RNF38: variants seen among roughly 807,000 people sequenced by gnomAD.
RNF38 encodes the protein ring finger protein 38.
In RNF38, 15 loss-of-function variants were observed where a neutral mutation model predicts 67.2. The observed-to-expected ratio is 0.22, with a 90% CI of 0.15 to 0.34. RNF38 has a LOEUF of 0.34. Among genes scored for constraint, RNF38 ranks in the 10% least tolerant of loss-of-function variants. RNF38 has a pLI of 1.00. For missense variants in RNF38, 524 were observed against 639.9 expected (o/e 0.82, Z 1.95); for synonymous variants, 220 against 218.8 (o/e 1.01, Z -0.05).
At chr9:36,460,190 C>T (rs750023875) in intron 1 of RNF38, among the ~76,000 whole-genome samples, 143 of 152,158 alleles carry the variant, frequency 9.4e-4, no homozygotes, top group Non-Finnish European at 1.5e-3. Flanking sequence ...GCCTACAAGA[C>T]GTTGAGGATT....
intron 1 of RNF38, among the ~76,000 whole-genome samples, chr9:36,424,953 G>A (rs1270260549): frequency 1.3e-5 from 2 of 152,152 alleles, no homozygotes; most frequent in East Asian, 1.9e-4. Flanking sequence ...ACTAGACCGA[G>A]TAGTCTGCTT....
chr9:36,457,645 C>T (rs960343320), intron 1 of RNF38, among the ~76,000 whole-genome samples: 1 of 152,156 alleles, frequency 6.6e-6, no homozygotes, highest in Non-Finnish European at 1.5e-5. Flanking sequence ...TGGTGGCTCA[C>T]GTCTGTAATC....
chr9:36,435,826 T>C (rs1183385213), intron 1 of RNF38, among the ~76,000 whole-genome samples: 2 of 152,124 alleles, frequency 1.3e-5, no homozygotes, highest in Non-Finnish European at 2.9e-5. Flanking sequence ...AGACAGGGTT[T>C]CACGGTGTTA....
intron 2 of RNF38, among the ~76,000 whole-genome samples, chr9:36,408,552 A>T (rs1026546469): frequency 1.3e-5 from 2 of 152,120 alleles, no homozygotes; most frequent in African/African-American, 4.8e-5. Flanking sequence ...CTTCTGTTAA[A>T]TCCTTTATTA....
At chr9:36,400,682 C>G (rs966922189), upstream of RNF38, 1 of 985,946 alleles carries the variant, frequency 1.0e-6, no homozygotes, top group Non-Finnish European at 1.2e-6. Flanking sequence ...CCTCCTCACC[C>G]CCGGAACCCC....
chr9:36,371,259 C>T (rs375577533), intron 3 of RNF38, among the ~76,000 whole-genome samples: 4 of 152,168 alleles, frequency 2.6e-5, no homozygotes, highest in Admixed American at 6.6e-5. Flanking sequence ...CTTAAGAGAA[C>T]AAGGGACATT....
In RNF38 at chr9:36,452,148, C is replaced by G. The variant is rs1839467175; in HGVS notation, n.242-27465G>C. ...TGAAGTGGGAGAACCACTTGAGCAC[C>G]CAAGGAGTTGAAGAGTGCATTGAGC... On this transcript the variant is annotated intron_variant and non_coding_transcript_variant, in intron 1 of 3. Transcript: ENST00000488058. 1.3e-5 allele frequency among the ~76,000 whole-genome samples: 2 copies of G among 151,998 alleles called. 1 individual carries two copies. Among genetic ancestry groups the G allele is most frequent in the Non-Finnish European group, 2.9e-5 (2 of 68,004 alleles).
chr9:36,339,896 C>T (rs767031982), intron 11 of RNF38, 82 bp from the exon 12 acceptor site: 1 of 1,182,524 alleles, frequency 8.5e-7, no homozygotes. Flanking sequence ...ACTTTTACTT[C>T]CCACAGTTTT....
At chr9:36,402,035 A>T (rs1193250016), upstream of RNF38, among the ~76,000 whole-genome samples, 1 of 152,200 alleles carries the variant, frequency 6.6e-6, no homozygotes, top group Non-Finnish European at 1.5e-5. Flanking sequence ...TTATTTATGT[A>T]CACTTGTCTC....
upstream of RNF38, chr9:36,400,769 T>G (rs1837956697): frequency 1.0e-6 from 1 of 985,586 alleles, no homozygotes; most frequent in Non-Finnish European, 1.2e-6. Flanking sequence ...AAACGACGGC[T>G]GCACGCCCAG....
upstream of RNF38, chr9:36,401,325 G>T: frequency 1.8e-6 from 1 of 562,670 alleles, no homozygotes; most frequent in Non-Finnish European, 2.2e-6. Flanking sequence ...GCTGCCCTGC[G>T]GACCGCAGGG....
At chr9:36,378,150 CAGATTTG>C (rs1835916270) in intron 2 of RNF38, among the ~76,000 whole-genome samples, 1 of 147,362 alleles carries the variant, frequency 6.8e-6, no homozygotes, top group Non-Finnish European at 1.5e-5. Context: ...ACTGGTGAAA[CAGATTTG>C]ATTAACACTG....
chr9:36,464,146 A>G (rs1047466925), intron 1 of RNF38, among the ~76,000 whole-genome samples: 7 of 152,104 alleles, frequency 4.6e-5, no homozygotes, highest in Non-Finnish European at 8.8e-5. Context: ...CCTGGGCGAC[A>G]GAGCAAGACT....
chr9:36,412,720 G>A (rs1341191454), intron 2 of RNF38, among the ~76,000 whole-genome samples: 2 of 152,304 alleles, frequency 1.3e-5, no homozygotes, highest in African/African-American at 4.8e-5. Flanking sequence ...TGGATCACCT[G>A]AGGTCAGGAA....
intron 1 of RNF38, among the ~76,000 whole-genome samples, chr9:36,472,166 C>T (rs541709459): frequency 1.3e-5 from 2 of 152,276 alleles, no homozygotes; most frequent in Non-Finnish European, 2.9e-5. Context: ...TAAGAGCCAC[C>T]AAACATATCA....
upstream of RNF38, chr9:36,487,633 G>C: frequency 1.0e-6 from 1 of 955,336 alleles, no homozygotes; most frequent in Non-Finnish European, 1.2e-6. Context: ...GCCCCGGCCG[G>C]CAGCAGCGGT....
intron 2 of RNF38, among the ~76,000 whole-genome samples, chr9:36,389,091 C>T (rs573435894): frequency 2.0e-5 from 3 of 152,128 alleles, no homozygotes; most frequent in Non-Finnish European, 4.4e-5. Context: ...CCCCTCCACC[C>T]CCGCCCCAAA....
At chr9:36,372,585 AT>A (rs1412249693) in intron 3 of RNF38, 1 of 713,246 alleles carries the variant, frequency 1.4e-6, no homozygotes, top group Non-Finnish European at 2.6e-6. Flanking sequence ...CAATATGCTT[AT>A]AGGTAACCTA....
At chr9:36,441,529 T>A (rs1038270856) in intron 1 of RNF38, among the ~76,000 whole-genome samples, 1 of 152,140 alleles carries the variant, frequency 6.6e-6, no homozygotes, top group Non-Finnish European at 1.5e-5. Context: ...TTCACCACAC[T>A]GGCTGGGCTG....
Sources: allele counts gnomAD v4.1 joint callset (sites outside exome capture counted in the v4.1 genomes callset), GRCh38; gene constraint gnomAD v4.1.1; transcripts MANE v1.5; gene names NCBI Gene and HGNC (gene_info 2026-07-23, HGNC 2026-07-21).